The following BRMS1L variants were observed in gnomAD, a reference collection of about 807,000 sequenced individuals.
The protein encoded by BRMS1L is breast cancer metastasis-suppressor 1-like protein.
In BRMS1L, 23 loss-of-function variants were observed where a neutral mutation model predicts 50.3. The observed-to-expected ratio is 0.46, with a 90% confidence interval of 0.33 to 0.65. The LOEUF (loss-of-function observed/expected upper bound fraction) is 0.65, where lower values mean the gene tolerates loss of function less well. Among genes scored for constraint, BRMS1L ranks in the 30% least tolerant of loss-of-function variants. The probability of loss-of-function intolerance (pLI) is 0.02; values close to 1 mark genes in which losing one functional copy is unlikely to be tolerated. For missense variants in BRMS1L, 286 were observed against 386.1 expected, an observed-to-expected ratio of 0.74 and a Z score of 2.17; for synonymous variants, 114 against 126.9, an observed-to-expected ratio of 0.90 and a Z score of 0.69.
At chr14:35,845,287 G>A (rs1023574376) in intron 4 of BRMS1L, among the ~76,000 whole-genome samples, 3 of 152,112 alleles carry the variant, frequency 2.0e-5, no homozygotes, top group Non-Finnish European at 2.9e-5. Flanking sequence ...AGCAATCATC[G>A]TTGTTATATT....
intron 6 of BRMS1L, among the ~76,000 whole-genome samples, chr14:35,864,685 G>A (rs1007317919): frequency 6.6e-6 from 1 of 152,144 alleles, no homozygotes. Flanking sequence ...TTAAAAACCA[G>A]TGATTGTGTT....
At chr14:35,836,534 G>T (rs562475504) in intron 4 of BRMS1L, among the ~76,000 whole-genome samples, 1 of 152,110 alleles carries the variant, frequency 6.6e-6, no homozygotes, top group African/African-American at 2.4e-5. Context: ...TAGAGAAGCG[G>T]TTCCACTATG....
At chr14:35,865,150 G>A (rs1472012858) in intron 7 of BRMS1L, 151 bp downstream of exon 7, 4 of 517,936 alleles carry the variant, frequency 7.7e-6, no homozygotes, top group African/African-American at 2.0e-5. Flanking sequence ...ATTACAGATA[G>A]CAGTGAACTA....
Position 35,863,874 on chromosome 14 carries a change from G to T in BRMS1L, c.543G>T (p.Leu181=). 6.2e-7 allele frequency: 1 copy of T among 1,613,770 alleles called. No individual in the cohort carries two copies. Among genetic ancestry groups the T allele is most frequent in the East Asian group, 2.2e-5 (1 of 44,848 alleles). ...TAATCTTTATTTACCTGCCAGAGCTGTGGAATGATGAGCTTCAGTCAAGAA... is the reference window on the plus strand; with the variant it reads ...TAATCTTTATTTACCTGCCAGAGCTTTGGAATGATGAGCTTCAGTCAAGAA... ...DRHSIDITSE[L]WNDELQSRKK... Residue 181 remains leucine (L), a synonymous_variant, in exon 6 of 10, where the codon CTG becomes CTT. Coordinates refer to ENST00000216807, the MANE Select transcript of BRMS1L (RefSeq NM_032352.4).
intron 4 of BRMS1L, among the ~76,000 whole-genome samples, chr14:35,841,758 C>T (rs1252199830): frequency 1.3e-5 from 2 of 152,122 alleles, no homozygotes; most frequent in East Asian, 3.9e-4. Context: ...ATTGATCTGT[C>T]TAATATTGAC....
intron 4 of BRMS1L, 129 bp downstream of exon 4, chr14:35,835,052 T>A (rs2415305): frequency 0.014 from 5,748 of 398,774 alleles, 164 homozygotes; most frequent in African/African-American, 0.083. Flanking sequence ...TGTGTGTGAT[T>A]AAAAAAAAAA....
chr14:35,864,892 A>G (rs1273728858), intron 6 of BRMS1L, 43 bp from the exon 7 acceptor site: 1 of 1,292,456 alleles, frequency 7.7e-7, no homozygotes, highest in Non-Finnish European at 1.1e-6. Flanking sequence ...ATATAATTCA[A>G]AGTGTGATAT....
At chr14:35,867,089 TTGAATGAA>T (rs573937424) in intron 8 of BRMS1L, among the ~76,000 whole-genome samples, 8 of 152,056 alleles carry the variant, frequency 5.3e-5, no homozygotes, top group East Asian at 3.8e-4. Context: ...ACAACATTTG[TTGAATGAA>T]TGAATGAATG....
intron 4 of BRMS1L, among the ~76,000 whole-genome samples, chr14:35,859,744 G>C (rs1161071426): frequency 6.6e-6 from 1 of 152,106 alleles, no homozygotes; most frequent in East Asian, 1.9e-4. Flanking sequence ...CCAACTCCTG[G>C]GCTCAAGTAA....
At chr14:35,852,787 C>G (rs1487365487) in intron 4 of BRMS1L, among the ~76,000 whole-genome samples, 1 of 151,982 alleles carries the variant, frequency 6.6e-6, no homozygotes, top group African/African-American at 2.4e-5. Flanking sequence ...AAAAATCAGC[C>G]GGGCGCGGTG....
intron 1 of BRMS1L, 159 bp downstream of exon 1, chr14:35,826,817 G>T: frequency 9.5e-7 from 1 of 1,054,916 alleles, no homozygotes; most frequent in South Asian, 1.7e-5. Context: ...CTGACCGGTC[G>T]CTGGGCGCTG....
chr14:35,831,592 T>A, intron 2 of BRMS1L, 92 bp downstream of exon 2: 3 of 941,732 alleles, frequency 3.2e-6, no homozygotes, highest in Non-Finnish European at 5.0e-6. Flanking sequence ...GTCTCAGCTG[T>A]TTTGTATTTT....
At chr14:35,830,464 C>G (rs1030527530) in intron 1 of BRMS1L, among the ~76,000 whole-genome samples, 1 of 152,068 alleles carries the variant, frequency 6.6e-6, no homozygotes, top group Non-Finnish European at 1.5e-5. Context: ...TTCAAACGAT[C>G]CTCCCACTTC....
At chr14:35,840,422 T>C (rs1172727052) in intron 4 of BRMS1L, among the ~76,000 whole-genome samples, 1 of 152,230 alleles carries the variant, frequency 6.6e-6, no homozygotes, top group Non-Finnish European at 1.5e-5. Context: ...TTCTATTGTT[T>C]AGAATAGTTT....
chr14:35,837,392 A>G (rs2078009255), intron 4 of BRMS1L, among the ~76,000 whole-genome samples: 1 of 152,178 alleles, frequency 6.6e-6, no homozygotes, highest in Admixed American at 6.5e-5. Context: ...TCAAATGCCC[A>G]TATATGAGCT....
intron 4 of BRMS1L, among the ~76,000 whole-genome samples, chr14:35,857,989 G>T (rs1594342430): frequency 1.5e-5 from 2 of 131,908 alleles, no homozygotes; most frequent in African/African-American, 2.9e-5. Context: ...TAAAGAGCAT[G>T]TTACCTAATG....
rs926900816 is a variant in BRMS1L at position 35,826,499 on chromosome 14, C to G, written c.-18C>G. 3 of 1,567,864 alleles carry G rather than the reference C, an allele frequency of 1.9e-6. No individual in the cohort carries two copies. The African/African-American group carries it at 4.0e-5, about 21-fold the overall frequency. On this transcript the variant is annotated 5_prime_UTR_variant, in exon 1 of 10. Transcript: ENST00000216807. ...CGGGCTGGGCGCCGGTAGTGGAAAG[C>G]GACGGCGCGGCTGGAAAATGCCAGT...
chr14:35,828,162 T>C (rs549042924), intron 1 of BRMS1L, among the ~76,000 whole-genome samples: 1 of 152,064 alleles, frequency 6.6e-6, no homozygotes, highest in South Asian at 2.1e-4. Context: ...ATTTCAGACA[T>C]GTTGCTTTTT....
chr14:35,842,472 A>T (rs577961061), intron 4 of BRMS1L, among the ~76,000 whole-genome samples: 2 of 152,228 alleles, frequency 1.3e-5, no homozygotes, highest in Non-Finnish European at 2.9e-5. Context: ...CTGGGTTGAA[A>T]ATTCTTTTCT....
Sources: gnomAD v4.1 joint callset for allele counts (sites outside exome capture counted in the v4.1 genomes callset) on GRCh38, gnomAD v4.1.1 for gene constraint, MANE v1.5 for transcripts, NCBI Gene and HGNC (gene_info 2026-07-23, HGNC 2026-07-21) for gene names.